ESRRB: variants seen among roughly 807,000 people sequenced by gnomAD.
The protein encoded by ESRRB is estrogen related receptor beta.
ESRRB carries 16 observed loss-of-function variants against 46.0 expected under a neutral mutation model. The ratio of observed to expected loss-of-function variants is 0.35; its 90% CI spans 0.24 to 0.53. The LOEUF (loss-of-function observed/expected upper bound fraction) is 0.53. ESRRB is among the 20% of genes least tolerant of loss of function. The pLI is 0.93. For synonymous variants in ESRRB, 246 were observed against 259.6 expected (o/e 0.95, Z 0.50); for missense variants, 488 against 607.4 (o/e 0.80, Z 2.07).
intron 1 of ESRRB, among the ~76,000 whole-genome samples, chr14:76,357,471 G>C (rs1326190879): frequency 3.3e-5 from 5 of 152,132 alleles, no homozygotes; most frequent in African/African-American, 1.2e-4. Flanking sequence ...TTGATATGAT[G>C]GTACAATGTG....
In ESRRB at chr14:76,320,560, C is replaced by T. The variant is rs116791513; in HGVS notation, c.2+9644C>T. On this transcript the variant is annotated intron_variant, in intron 1 of 6. Transcript: ENST00000512784. ...GCATGGTGGGCCCATCTCCCAGCAC[C>T]GTGCCTGGACACGGCAGGCACTTGA... 4.6e-3 allele frequency among the ~76,000 whole-genome samples: 708 copies of T among 152,320 alleles called. 5 individuals carry two copies. Among genetic ancestry groups the T allele is most frequent in the African/African-American group, 0.017 (687 of 41,566 alleles).
chr14:76,358,397 AAGAAAGAAAGAAAGAAAAG>A, intron 1 of ESRRB, among the ~76,000 whole-genome samples: 1 of 126,970 alleles, frequency 7.9e-6, no homozygotes. Flanking sequence ...GAAAGAAAGA[AAGAAAGAAAGAAAGAAAAG>A]AAAAGAAAAA....
At chr14:76,406,915 T>A (rs1324167917) in intron 1 of ESRRB, among the ~76,000 whole-genome samples, 1 of 152,220 alleles carries the variant, frequency 6.6e-6, no homozygotes, top group African/African-American at 2.4e-5. Context: ...GCGTGCTCTG[T>A]CTTGATCCGC....
intron 3 of ESRRB, among the ~76,000 whole-genome samples, chr14:76,470,700 T>C (rs901725339): frequency 2.0e-5 from 3 of 152,200 alleles, no homozygotes; most frequent in Non-Finnish European, 2.9e-5. Flanking sequence ...TGTTGCTGTT[T>C]TTAAAGAGAC....
chr14:76,459,110 G>T (rs2139982883), intron 2 of ESRRB, among the ~76,000 whole-genome samples: 1 of 152,320 alleles, frequency 6.6e-6, no homozygotes, highest in East Asian at 1.9e-4. Context: ...CTCCCAAAGT[G>T]CTGGGATTAC....
intron 2 of ESRRB, among the ~76,000 whole-genome samples, chr14:76,455,003 G>A (rs559713328): frequency 4.6e-5 from 7 of 152,038 alleles, no homozygotes; most frequent in South Asian, 4.2e-4. Context: ...TGGCCAACAC[G>A]GTGAGGAGTT....
chr14:76,352,017 C>T (rs1326252753), intron 1 of ESRRB, among the ~76,000 whole-genome samples: 1 of 140,138 alleles, frequency 7.1e-6, no homozygotes, highest in Non-Finnish European at 1.5e-5. Context: ...AAAGCAAACT[C>T]CAAGAAAGCA....
chr14:76,414,668 T>TAA (rs71452810), intron 1 of ESRRB, among the ~76,000 whole-genome samples: 1,928 of 116,726 alleles, frequency 0.017, 30 homozygotes, highest in Non-Finnish European at 0.022. Flanking sequence ...GTTTGTTCCT[T>TAA]AAAAAAAAAA....
At chr14:76,388,175 C>CTTTTTTTTTTTTTT (rs35368784) in intron 1 of ESRRB, among the ~76,000 whole-genome samples, 1 of 118,260 alleles carries the variant, frequency 8.5e-6, no homozygotes, top group Non-Finnish European at 1.7e-5. Context: ...TTCTTTCATT[C>CTTTTTTTTTTTTTT]TTTTTTTTTT....
chr14:76,373,983 C>T (rs762341349), upstream of ESRRB, among the ~76,000 whole-genome samples: 1 of 152,094 alleles, frequency 6.6e-6, no homozygotes, highest in Non-Finnish European at 1.5e-5. Context: ...TTATTTCTAC[C>T]AAGTGTGTCT....
At chr14:76,470,663 A>G (rs1889344068) in intron 3 of ESRRB, among the ~76,000 whole-genome samples, 1 of 152,152 alleles carries the variant, frequency 6.6e-6, no homozygotes, top group African/African-American at 2.4e-5. Flanking sequence ...AAATACAAGT[A>G]TTGTTTTTTT....
intron 3 of ESRRB, among the ~76,000 whole-genome samples, chr14:76,467,906 C>A (rs1422715788): frequency 6.6e-6 from 1 of 152,160 alleles, no homozygotes; most frequent in African/African-American, 2.4e-5. Context: ...CCTCCCAAGC[C>A]CGCTCCATTT....
rs758329651 is a variant in ESRRB at position 76,498,502 on chromosome 14, G to A, written c.*44G>A. 2.5e-6 allele frequency: 4 copies of A among 1,612,570 alleles called. No homozygotes were observed. Among genetic ancestry groups the A allele is most frequent in the Non-Finnish European group, 3.4e-6 (4 of 1,179,936 alleles). ...AATGCCCACCTACAGACAGACAAAC[G>A]GACAGACCGAGGTGGAGACCTCCAC... On this transcript the variant is annotated 3_prime_UTR_variant, in exon 7 of 7. Coordinates refer to ENST00000644823, the MANE Select transcript of ESRRB (RefSeq NM_001379180.1).
At chr14:76,414,590 C>A (rs1253176270) in intron 1 of ESRRB, among the ~76,000 whole-genome samples, 1 of 149,524 alleles carries the variant, frequency 6.7e-6, no homozygotes, top group Non-Finnish European at 1.5e-5. Context: ...CCCACTCCCC[C>A]AACCAGTCAG....
At chr14:76,426,208 C>T (rs937013197) in intron 1 of ESRRB, among the ~76,000 whole-genome samples, 6 of 152,112 alleles carry the variant, frequency 3.9e-5, no homozygotes, top group Admixed American at 2.6e-4. Flanking sequence ...CTTGGAGCCC[C>T]CTGGCCTGAA....
At position 76,406,745 on chromosome 14, in the gene ESRRB, A is replaced by AAAAC. The variant is rs150455357; in HGVS notation, c.50+30314_50+30317dup. Among the ~76,000 whole-genome samples the AAAAC allele has an allele frequency of 2.2e-4, 33 of 152,228 alleles. 1 individual carries two copies. The highest frequency in any genetic ancestry group is 6.3e-4 in the African/African-American group (26 of 41,542). On this transcript the variant is annotated intron_variant, in intron 1 of 6. Transcript: ENST00000644823. ...GGCAACAAGAGCAAGACTTCGTCAA[A>AAAAC]AAACAAACAAACAAACAAACAAAAA... is the stretch of plus-strand genomic sequence containing the variant.
chr14:76,333,172 TACTA>T (rs1237411606), intron 1 of ESRRB, among the ~76,000 whole-genome samples: 1 of 15,464 alleles, frequency 6.5e-5, no homozygotes, highest in African/African-American at 2.1e-4. Flanking sequence ...ATATTATATA[TACTA>T]TATATATATT....
At chr14:76,409,993 G>C (rs12895520) in intron 1 of ESRRB, among the ~76,000 whole-genome samples, 3 of 152,112 alleles carry the variant, frequency 2.0e-5, no homozygotes, top group Admixed American at 6.5e-5. Context: ...AGAGGCTGAG[G>C]GGGGTGGATC....
chr14:76,438,679 CT>C (rs939479211), intron 1 of ESRRB, among the ~76,000 whole-genome samples: 1 of 149,666 alleles, frequency 6.7e-6, no homozygotes, highest in Non-Finnish European at 1.5e-5. Context: ...AAAAAAAAAA[CT>C]TGTAGCCTTT....
Sources: gnomAD v4.1 joint callset for allele counts (sites outside exome capture counted in the v4.1 genomes callset) on GRCh38, gnomAD v4.1.1 for gene constraint, MANE v1.5 for transcripts, NCBI Gene and HGNC (gene_info 2026-07-23, HGNC 2026-07-21) for gene names.